The following CREB5 variants were observed in gnomAD, a reference collection of about 807,000 sequenced individuals.
CREB5 encodes the protein cyclic AMP-responsive element-binding protein 5.
Under a neutral mutation model 57.1 loss-of-function variants are expected in CREB5, and 19 were observed. The ratio of observed to expected loss-of-function variants is 0.33; its 90% CI spans 0.23 to 0.49. CREB5 has a LOEUF of 0.49. Ranked by LOEUF, CREB5 falls within the 20% of genes least tolerant of loss-of-function variation. CREB5 has a pLI of 0.99. For synonymous variants in CREB5, 238 were observed against 238.3 expected, an observed-to-expected ratio of 1.00 and a Z score of 0.01; for missense variants, 579 against 671.6, an observed-to-expected ratio of 0.86 and a Z score of 1.52.
intron 1 of CREB5, among the ~76,000 whole-genome samples, chr7:28,338,184 G>T (rs1785863651): frequency 6.6e-6 from 1 of 152,094 alleles, no homozygotes; most frequent in South Asian, 2.1e-4. Flanking sequence ...AATATTGTGT[G>T]TTTTTCTGCA....
chr7:28,682,497 A>G (rs964284770), intron 5 of CREB5, among the ~76,000 whole-genome samples: 3 of 152,232 alleles, frequency 2.0e-5, no homozygotes, highest in Admixed American at 1.3e-4. Context: ...TTTTTTCTGA[A>G]TAATTTTTAA....
intron 4 of CREB5, among the ~76,000 whole-genome samples, chr7:28,535,785 C>A (rs892195415): frequency 6.6e-6 from 1 of 152,132 alleles, no homozygotes; most frequent in African/African-American, 2.4e-5. Flanking sequence ...AGGAAAGGTT[C>A]TTTCTGCCCT....
At chr7:28,764,130 T>A (rs564112933) in intron 7 of CREB5, among the ~76,000 whole-genome samples, 1 of 152,278 alleles carries the variant, frequency 6.6e-6, no homozygotes, top group East Asian at 1.9e-4. Context: ...GTCAGTAGTA[T>A]AGAAATTACA....
At chr7:28,722,001 C>T (rs1198061309) in intron 6 of CREB5, among the ~76,000 whole-genome samples, 1 of 152,228 alleles carries the variant, frequency 6.6e-6, no homozygotes, top group Non-Finnish European at 1.5e-5. Context: ...TTCTAATCAA[C>T]TCATTGAAGT....
chr7:28,376,915 G>C (rs1786842740), intron 1 of CREB5, among the ~76,000 whole-genome samples: 1 of 152,200 alleles, frequency 6.6e-6, no homozygotes, highest in Admixed American at 6.5e-5. Flanking sequence ...ACTTGTCCCA[G>C]AATGTTATGA....
At chr7:28,661,530 C>G (rs564256405) in intron 5 of CREB5, among the ~76,000 whole-genome samples, 1 of 149,458 alleles carries the variant, frequency 6.7e-6, no homozygotes, top group East Asian at 2.1e-4. Flanking sequence ...CTCAATACAT[C>G]ATCTATCTTT....
intron 4 of CREB5, among the ~76,000 whole-genome samples, chr7:28,542,803 G>T (rs889501022): frequency 6.6e-6 from 1 of 152,054 alleles, no homozygotes; most frequent in African/African-American, 2.4e-5. Flanking sequence ...ACACCAAGAT[G>T]GAATTACAGC....
intron 1 of CREB5, among the ~76,000 whole-genome samples, chr7:28,301,838 C>T (rs1785102545): frequency 6.6e-6 from 1 of 152,158 alleles, no homozygotes; most frequent in African/African-American, 2.4e-5. Context: ...ACTAATGTGA[C>T]AGAAACAATT....
In CREB5 at chr7:28,560,831, C is replaced by CGTGTGTGT. The variant is rs1562797049; in HGVS notation, c.292-9533_292-9532insTGTGTGTG. Among the ~76,000 whole-genome samples the CGTGTGTGT allele has an allele frequency of 6.5e-4, 38 of 58,894 alleles. 4 individuals are homozygous for CGTGTGTGT. The highest frequency in any genetic ancestry group is 1.1e-3 in the Non-Finnish European group (31 of 28,906). The allele number at this position is 58,894 out of a possible 152,430, so 38.6% of individuals were successfully genotyped here. On this transcript the variant is annotated intron_variant, in intron 4 of 10. Coordinates refer to ENST00000357727, the MANE Select transcript of CREB5 (RefSeq NM_182898.4). ...GCGCGTGTGTGTGTGTGCGCGCGCG[C>CGTGTGTGT]GCGTGTGTGTGTGCGCGTGTGTGTG...
At chr7:28,477,449 C>G (rs6946223) in intron 1 of CREB5, among the ~76,000 whole-genome samples, 1 of 152,152 alleles carries the variant, frequency 6.6e-6, no homozygotes, top group Non-Finnish European at 1.5e-5. Context: ...CACGTTCATG[C>G]GTAGGAAGGG....
At chr7:28,328,292 C>G (rs1785647182) in intron 1 of CREB5, among the ~76,000 whole-genome samples, 1 of 152,168 alleles carries the variant, frequency 6.6e-6, no homozygotes, top group Admixed American at 6.5e-5. Context: ...ATTGTCATGT[C>G]TATAGTTGGC....
chr7:28,801,623 A>C (rs748060130), intron 7 of CREB5, among the ~76,000 whole-genome samples: 20 of 152,344 alleles, frequency 1.3e-4, no homozygotes, highest in South Asian at 1.2e-3. Context: ...ACATATATAG[A>C]GTTGTCTGGA....
chr7:28,309,212 A>G (rs1323177534), intron 1 of CREB5, among the ~76,000 whole-genome samples: 8 of 152,020 alleles, frequency 5.3e-5, no homozygotes, highest in Non-Finnish European at 1.0e-4. Flanking sequence ...TTTATTTTTT[A>G]TAATAAATCT....
chr7:28,417,275 T>C (rs1168864434), intron 1 of CREB5, among the ~76,000 whole-genome samples: 1 of 152,042 alleles, frequency 6.6e-6, no homozygotes, highest in Non-Finnish European at 1.5e-5. Context: ...TAACCTGATA[T>C]ATCCAAAATA....
chr7:28,380,798 T>C (rs1233293062), intron 1 of CREB5, among the ~76,000 whole-genome samples: 1 of 152,158 alleles, frequency 6.6e-6, no homozygotes, highest in Non-Finnish European at 1.5e-5. Flanking sequence ...TTTGACCTAA[T>C]GTGTAAACAT....
intron 1 of CREB5, among the ~76,000 whole-genome samples, chr7:28,330,165 C>T (rs530433652): frequency 1.8e-4 from 27 of 152,144 alleles, no homozygotes; most frequent in Non-Finnish European, 3.4e-4. Context: ...CACCACAGCC[C>T]GATTCTCTCG....
At chr7:28,649,140 G>C (rs1191240454) in intron 5 of CREB5, among the ~76,000 whole-genome samples, 1 of 152,186 alleles carries the variant, frequency 6.6e-6, no homozygotes, top group Non-Finnish European at 1.5e-5. Flanking sequence ...ATACGAAGCA[G>C]GCAGTTGAAA....
chr7:28,580,084 A>T (rs769148741), intron 5 of CREB5, among the ~76,000 whole-genome samples: 8 of 152,200 alleles, frequency 5.3e-5, no homozygotes, highest in Non-Finnish European at 1.2e-4. Context: ...CTGCAAACTC[A>T]GTGAAACCAG....
intron 5 of CREB5, among the ~76,000 whole-genome samples, chr7:28,693,449 C>G (rs1219410692): frequency 6.6e-6 from 1 of 152,176 alleles, no homozygotes; most frequent in Admixed American, 6.5e-5. Context: ...AGCTGGCCCT[C>G]TTGCAGCCTT....
Sources: allele counts gnomAD v4.1 joint callset (sites outside exome capture counted in the v4.1 genomes callset), GRCh38; gene constraint gnomAD v4.1.1; transcripts MANE v1.5; gene names NCBI Gene and HGNC (gene_info 2026-07-23, HGNC 2026-07-21).